PPFIA2: variants seen among roughly 807,000 people sequenced by gnomAD.
PPFIA2 encodes liprin-alpha-2.
Under a neutral mutation model 175.5 loss-of-function variants are expected in PPFIA2, and 46 were observed. The ratio of observed to expected loss-of-function variants is 0.26; its 90% CI spans 0.21 to 0.34. PPFIA2 has a LOEUF of 0.34. Ranked by LOEUF, PPFIA2 falls within the 10% of genes least tolerant of loss-of-function variation. The pLI is 1.00. For synonymous variants in PPFIA2, 568 were observed against 511.4 expected (o/e 1.11, Z -1.49); for missense variants, 1,179 against 1,506.1 (o/e 0.78, Z 3.60).
intron 4 of PPFIA2, among the ~76,000 whole-genome samples, chr12:81,495,334 T>A: frequency 6.6e-6 from 1 of 152,100 alleles, no homozygotes; most frequent in East Asian, 1.9e-4. Context: ...ACCCTCACCA[T>A]TTTACATGAA....
chr12:81,713,868 G>A (rs2078258249), intron 3 of PPFIA2, among the ~76,000 whole-genome samples: 1 of 151,306 alleles, frequency 6.6e-6, no homozygotes, highest in Admixed American at 6.7e-5. Context: ...TTATATTCTA[G>A]AGAAATGTGA....
intron 3 of PPFIA2, among the ~76,000 whole-genome samples, chr12:81,699,114 GA>G (rs2153599029): frequency 6.6e-6 from 1 of 152,070 alleles, no homozygotes; most frequent in South Asian, 2.1e-4. Flanking sequence ...AACATTATAG[GA>G]TTAAAGAAAT....
At chr12:81,440,798 C>CTA (rs967714592) in intron 6 of PPFIA2, among the ~76,000 whole-genome samples, 2 of 144,772 alleles carry the variant, frequency 1.4e-5, no homozygotes, top group Admixed American at 6.9e-5. Flanking sequence ...ATGTTTAGAT[C>CTA]TATATATATG....
In PPFIA2 at chr12:81,259,677, A is replaced by T. The variant is rs756060385; in HGVS notation, c.*34-17T>A. 1 of 1,533,374 alleles carries T rather than the reference A, an allele frequency of 6.5e-7. No homozygotes were observed. Among genetic ancestry groups the T allele is most frequent in the Non-Finnish European group, 8.7e-7 (1 of 1,144,710 alleles). 95.0% of individuals were successfully genotyped at this position (1,533,374 alleles called of 1,614,324 possible). A position where few individuals can be genotyped will look rare whatever the true frequency, so the allele number is the denominator to read the frequency against. On this transcript the variant is annotated splice_polypyrimidine_tract_variant and intron_variant, in intron 32 of 32. Coordinates refer to ENST00000549396, the MANE Select transcript of PPFIA2 (RefSeq NM_003625.5). ...AGACGCCATCTAAAATATACAATGG[A>T]TAGCATTAGTTCACTGAAAAGTCCC...
chr12:81,742,456 T>G (rs1437719652), intron 3 of PPFIA2, among the ~76,000 whole-genome samples: 2 of 152,188 alleles, frequency 1.3e-5, no homozygotes, highest in Admixed American at 1.3e-4. Flanking sequence ...AGACTGCTGC[T>G]AGATTGCACA....
chr12:81,306,522 T>A (rs1418984767), intron 22 of PPFIA2, among the ~76,000 whole-genome samples: 1 of 150,602 alleles, frequency 6.6e-6, no homozygotes, highest in African/African-American at 2.4e-5. Context: ...TTTTTGTTTG[T>A]TTGTTTGTTT....
chr12:81,295,098 A>G lies in PPFIA2; in HGVS notation c.2725-63T>C, dbSNP rs1056538086. 1.0e-5 allele frequency: 15 copies of G among 1,428,892 alleles called. No individual in the cohort carries two copies. The Admixed American group carries it at 1.2e-4, about 11-fold the overall frequency. 88.5% of individuals were successfully genotyped at this position (1,428,892 alleles called of 1,614,324 possible). Reference sequence around the variant, plus strand: ...AATAGTTATCATTTTAGTGTCTCATATGCTAGGAATTATTTTATGTATCTT... The same window carrying G: ...AATAGTTATCATTTTAGTGTCTCATGTGCTAGGAATTATTTTATGTATCTT... On this transcript the variant is annotated intron_variant, in intron 23 of 32. Transcript: ENST00000549396.
intron 4 of PPFIA2, among the ~76,000 whole-genome samples, chr12:81,630,567 T>C (rs1355312924): frequency 1.3e-5 from 2 of 152,132 alleles, no homozygotes; most frequent in African/African-American, 4.8e-5. Context: ...TCATTATTCT[T>C]TGGACTCTGA....
intron 22 of PPFIA2, among the ~76,000 whole-genome samples, chr12:81,303,350 C>T (rs12305894): frequency 0.02 from 3,117 of 152,188 alleles, 115 homozygotes; most frequent in African/African-American, 0.072. Flanking sequence ...CACTAAATTT[C>T]GGGGCATACA....
At chr12:81,642,829 TGTATGTATTAC>T (rs2065478838) in intron 4 of PPFIA2, among the ~76,000 whole-genome samples, 3 of 129,998 alleles carry the variant, frequency 2.3e-5, no homozygotes, top group South Asian at 2.5e-4. Context: ...TGTATATGTA[TGTATGTATTAC>T]ATACATATAT....
chr12:81,641,348 C>T (rs2064942794), intron 4 of PPFIA2, among the ~76,000 whole-genome samples: 1 of 152,172 alleles, frequency 6.6e-6, no homozygotes, highest in East Asian at 1.9e-4. Flanking sequence ...AGCATTTCCA[C>T]TTCCATGGCC....
At chr12:81,682,589 C>G (rs538253152) in intron 3 of PPFIA2, among the ~76,000 whole-genome samples, 2 of 151,834 alleles carry the variant, frequency 1.3e-5, no homozygotes, top group Non-Finnish European at 2.9e-5. Context: ...CCATTTCTGT[C>G]AAATGGTTAT....
At chr12:81,507,076 AT>A (rs200346118) in intron 4 of PPFIA2, among the ~76,000 whole-genome samples, 21 of 151,640 alleles carry the variant, frequency 1.4e-4, no homozygotes, top group Middle Eastern at 3.4e-3. Flanking sequence ...TTCAAATAGT[AT>A]TTTTTTTTCT....
At chr12:81,278,143 GA>G (rs1303646721) in intron 27 of PPFIA2, among the ~76,000 whole-genome samples, 1 of 152,194 alleles carries the variant, frequency 6.6e-6, no homozygotes, top group Non-Finnish European at 1.5e-5. Flanking sequence ...TATACATGGA[GA>G]AAAGGGCATA....
chr12:81,526,212 G>C (rs532350875), intron 4 of PPFIA2, among the ~76,000 whole-genome samples: 37 of 152,262 alleles, frequency 2.4e-4, no homozygotes, highest in African/African-American at 8.9e-4. Flanking sequence ...TGTCAGCATA[G>C]GGATGTGATT....
rs1339511290 is a variant in PPFIA2 at position 81,299,373 on chromosome 12, A to G, written c.2652T>C (p.Leu884=). The G allele has an allele frequency of 6.3e-7, 1 of 1,585,822 alleles. No homozygotes were observed. The highest frequency in any genetic ancestry group is 2.3e-5 in the East Asian group (1 of 43,898). ...KDRRLKKKHE[L]LEEARRKGLP... The stretch of plus-strand genomic sequence containing the variant: ...ATCCCTTTCTCCGAGCTTCTTCAAG[A>G]AGTTCATGCCTGAAGTATATAGCAA... Residue 884 remains leucine, a synonymous_variant, in exon 23 of 33, where the codon CTT becomes CTC. Coordinates refer to ENST00000549396, the MANE Select transcript of PPFIA2 (RefSeq NM_003625.5).
In PPFIA2 at chr12:81,757,165, T is replaced by C. The variant is rs1296482960; in HGVS notation, c.-3+1235A>G. ...TAAGTATTAAAAGCAATTAAAGATATATATTCAATATAAGAGTTAAACACC... is the reference window on the plus strand; with the variant it reads ...TAAGTATTAAAAGCAATTAAAGATACATATTCAATATAAGAGTTAAACACC... On this transcript the variant is annotated intron_variant, in intron 2 of 32. Transcript: ENST00000549396. 3.9e-5 allele frequency among the ~76,000 whole-genome samples: 6 copies of C among 152,302 alleles called. No homozygotes were observed. The East Asian group carries it at 1.2e-3, about 29-fold the overall frequency.
chr12:81,746,471 A>G (rs564333745), intron 3 of PPFIA2, among the ~76,000 whole-genome samples: 1 of 144,100 alleles, frequency 6.9e-6, no homozygotes, highest in South Asian at 2.3e-4. Flanking sequence ...ACTGCAGTAT[A>G]GAAGTCGAAA....
chr12:81,279,751 G>A (rs369508623), intron 27 of PPFIA2, among the ~76,000 whole-genome samples: 6 of 152,052 alleles, frequency 3.9e-5, no homozygotes, highest in East Asian at 1.9e-4. Flanking sequence ...AGTGAAGAAC[G>A]GAAAAACCGG....
Sources: allele counts gnomAD v4.1 joint callset (sites outside exome capture counted in the v4.1 genomes callset), GRCh38; gene constraint gnomAD v4.1.1; transcripts MANE v1.5; gene names NCBI Gene and HGNC (gene_info 2026-07-23, HGNC 2026-07-21).